CCNY: variants seen among roughly 807,000 people sequenced by gnomAD.
CCNY encodes cyclin Y, also known as cyclin-Y.
CCNY carries 19 observed loss-of-function variants against 42.8 expected under a neutral mutation model. The observed-to-expected ratio is 0.44, with a 90% CI of 0.31 to 0.65. CCNY has a LOEUF of 0.65. CCNY is among the 30% of genes least tolerant of loss of function. The pLI, the probability that CCNY is intolerant of heterozygous loss-of-function variation, is 0.07. For synonymous variants in CCNY, 165 were observed against 162.7 expected, an observed-to-expected ratio of 1.01 and a Z score of -0.11; for missense variants, 370 against 437.3, an observed-to-expected ratio of 0.85 and a Z score of 1.37.
intron 1 of CCNY, among the ~76,000 whole-genome samples, chr10:35,363,445 G>C (rs1463212365): frequency 6.6e-6 from 1 of 152,098 alleles, no homozygotes; most frequent in African/African-American, 2.4e-5. Flanking sequence ...GGGCAGAGGT[G>C]CTCCTCTCTT....
chr10:35,470,872 T>A (rs1212632976), intron 1 of CCNY, among the ~76,000 whole-genome samples: 2 of 152,162 alleles, frequency 1.3e-5, no homozygotes, highest in Non-Finnish European at 2.9e-5. Flanking sequence ...AAAGAAACAA[T>A]CTGATTTAAA....
chr10:35,412,343 C>T (rs1373964324), intron 1 of CCNY, among the ~76,000 whole-genome samples: 1 of 152,102 alleles, frequency 6.6e-6, no homozygotes, highest in African/African-American at 2.4e-5. Context: ...ATGGAGGATT[C>T]AGAGATCAAT....
At chr10:35,258,204 CAG>C (rs2095716947) in intron 3 of CCNY, among the ~76,000 whole-genome samples, 1 of 152,130 alleles carries the variant, frequency 6.6e-6, no homozygotes, top group Non-Finnish European at 1.5e-5. Flanking sequence ...ATCAGATTCT[CAG>C]AGTTTGCTGT....
At chr10:35,532,129 T>C (rs1840781952) in intron 7 of CCNY, among the ~76,000 whole-genome samples, 1 of 152,232 alleles carries the variant, frequency 6.6e-6, no homozygotes, top group Admixed American at 6.5e-5. Context: ...CTGCAGCCCA[T>C]CCTCTGGTCT....
At chr10:35,348,131 G>C (rs1259352379) in intron 1 of CCNY, among the ~76,000 whole-genome samples, 1 of 152,184 alleles carries the variant, frequency 6.6e-6, no homozygotes, top group East Asian at 1.9e-4. Flanking sequence ...CTTGCAAAGT[G>C]ATGATAAGCA....
At chr10:35,444,765 T>A (rs1399911108) in intron 1 of CCNY, among the ~76,000 whole-genome samples, 1 of 152,192 alleles carries the variant, frequency 6.6e-6, no homozygotes, top group Admixed American at 6.5e-5. Flanking sequence ...GCAAATGAAA[T>A]TAGATTTGTA....
At chr10:35,255,998 AT>A (rs1370663167) in intron 3 of CCNY, among the ~76,000 whole-genome samples, 14 of 152,300 alleles carry the variant, frequency 9.2e-5, no homozygotes, top group Non-Finnish European at 7.3e-5. Flanking sequence ...ATTTTGTCTA[AT>A]ATTAGTATAG....
intron 1 of CCNY, among the ~76,000 whole-genome samples, chr10:35,467,204 A>G (rs748945984): frequency 6.6e-6 from 1 of 152,216 alleles, no homozygotes; most frequent in Non-Finnish European, 1.5e-5. Flanking sequence ...TTGGCTTTTT[A>G]TAATCTATAT....
At chr10:35,416,370 G>A (rs576350668) in intron 1 of CCNY, among the ~76,000 whole-genome samples, 4 of 152,242 alleles carry the variant, frequency 2.6e-5, no homozygotes, top group Non-Finnish European at 4.4e-5. Flanking sequence ...AGGTTGAAAC[G>A]GGAGGATTCT....
At chr10:35,389,914 A>T (rs931262303) in intron 1 of CCNY, among the ~76,000 whole-genome samples, 2 of 152,234 alleles carry the variant, frequency 1.3e-5, no homozygotes, top group African/African-American at 4.8e-5. Context: ...TCATGAGCAT[A>T]GAACAAAATG....
Position 35,336,993 on chromosome 10 carries a change from G to A in CCNY, c.-61G>A. ...CGCCGCCCGCGCCCCGCGTCCACCC[G>A]CGCCCCGCTCCCGGGGACTGGGAGA... On this transcript the variant is annotated 5_prime_UTR_variant, in exon 1 of 10. Transcript: ENST00000374704. The A allele has an allele frequency of 3.1e-6, 4 of 1,287,882 alleles. No homozygotes were observed. In the South Asian group the frequency reaches 9.7e-5, roughly 31 times the overall value. The allele number at this position is 1,287,882 out of a possible 1,614,324, so 79.8% of individuals were successfully genotyped here. A position where few individuals can be genotyped will look rare whatever the true frequency, so the allele number is the denominator to read the frequency against.
chr10:35,367,557 A>T (rs1314644434), intron 1 of CCNY, among the ~76,000 whole-genome samples: 3 of 152,214 alleles, frequency 2.0e-5, no homozygotes. Flanking sequence ...TAAAACAGAC[A>T]CTTTAAAAGT....
At chr10:35,332,344 G>A (rs1835955229), upstream of CCNY, 1 of 152,192 alleles carries the variant, frequency 6.6e-6, no homozygotes, top group South Asian at 2.1e-4. Flanking sequence ...TCCAGAAGGT[G>A]ACTCAGGGAG....
chr10:35,533,151 G>C (rs545037731), intron 7 of CCNY, among the ~76,000 whole-genome samples: 2 of 152,098 alleles, frequency 1.3e-5, no homozygotes, highest in African/African-American at 2.4e-5. Flanking sequence ...TCACCTCTCC[G>C]TTTAAGGCCG....
chr10:35,549,142 G>C (rs1009298052), intron 7 of CCNY, among the ~76,000 whole-genome samples: 1 of 103,644 alleles, frequency 9.6e-6, no homozygotes, highest in Non-Finnish European at 1.8e-5. Context: ...CCCTTCTCTC[G>C]AAGAGGCAGA....
At chr10:35,441,484 A>C (rs1463932365) in intron 1 of CCNY, among the ~76,000 whole-genome samples, 17 of 152,198 alleles carry the variant, frequency 1.1e-4, no homozygotes, top group Admixed American at 1.1e-3. Flanking sequence ...AAGCGGTAGG[A>C]GGCTGGGCGC....
intron 3 of CCNY, among the ~76,000 whole-genome samples, chr10:35,325,260 C>G (rs1835865889): frequency 6.6e-6 from 1 of 152,200 alleles, no homozygotes; most frequent in Non-Finnish European, 1.5e-5. Flanking sequence ...CTCACTGCAA[C>G]CTCTGCCTCC....
chr10:35,249,373 G>T (rs948836554), intron 2 of CCNY, among the ~76,000 whole-genome samples: 13 of 152,124 alleles, frequency 8.5e-5, no homozygotes, highest in African/African-American at 3.1e-4. Context: ...TTTTGTGTAT[G>T]TATAAAACTT....
intron 3 of CCNY, among the ~76,000 whole-genome samples, chr10:35,273,659 T>C (rs1835200893): frequency 6.6e-6 from 1 of 152,074 alleles, no homozygotes; most frequent in South Asian, 2.1e-4. Flanking sequence ...ATGATAAGCG[T>C]CTCTGCCCAC....
Sources: gnomAD v4.1 joint callset for allele counts (sites outside exome capture counted in the v4.1 genomes callset) on GRCh38, gnomAD v4.1.1 for gene constraint, MANE v1.5 for transcripts, NCBI Gene and HGNC (gene_info 2026-07-23, HGNC 2026-07-21) for gene names.